SLC25A48: variants seen among roughly 807,000 people sequenced by gnomAD.
The protein encoded by SLC25A48 is CTC-321K16.1.
In SLC25A48, 29 loss-of-function variants were observed where a neutral mutation model predicts 32.2. The ratio of observed to expected loss-of-function variants is 0.90; its 90% confidence interval spans 0.67 to 1.23. The LOEUF (loss-of-function observed/expected upper bound fraction) is 1.23. Ranked by LOEUF, SLC25A48 falls within the 50% of genes most tolerant of loss-of-function variation. The pLI is 0.00. For missense variants in SLC25A48, 399 were observed against 422.7 expected (o/e 0.94, Z 0.49); for synonymous variants, 164 against 172.3 (o/e 0.95, Z 0.38).
At chr5:135,812,816 A>G (rs2126652473) in exon 4 of SLC25A48, 1 of 138,954 alleles carries the variant, frequency 7.2e-6, no homozygotes, top group African/African-American at 2.7e-5. Context: ...ACCAGGCAGC[A>G]GGAGGGACAG....
intron 3 of SLC25A48, among the ~76,000 whole-genome samples, chr5:135,653,352 C>G (rs1327764165): frequency 2.6e-5 from 4 of 152,118 alleles, no homozygotes; most frequent in Non-Finnish European, 5.9e-5. Context: ...ATTTCTGGAA[C>G]CGAGGAGATT....
intron 3 of SLC25A48, among the ~76,000 whole-genome samples, chr5:135,643,480 C>T (rs748932587): frequency 1.3e-5 from 2 of 152,192 alleles, no homozygotes; most frequent in South Asian, 2.1e-4. Flanking sequence ...CCCATCACTG[C>T]ACAGAAGAGC....
At chr5:135,692,780 C>CT (rs1408057079) in intron 3 of SLC25A48, among the ~76,000 whole-genome samples, 3 of 152,118 alleles carry the variant, frequency 2.0e-5, no homozygotes, top group Non-Finnish European at 4.4e-5. Flanking sequence ...TGCTAATAAT[C>CT]TAGCAATTAA....
chr5:135,764,498 G>A (rs1756152490), intron 3 of SLC25A48, among the ~76,000 whole-genome samples: 1 of 151,814 alleles, frequency 6.6e-6, no homozygotes, highest in Non-Finnish European at 1.5e-5. Context: ...TTCTCCAGCA[G>A]GTGAGAGGGT....
chr5:135,744,796 C>T (rs1755600741), intron 3 of SLC25A48, among the ~76,000 whole-genome samples: 1 of 151,754 alleles, frequency 6.6e-6, no homozygotes. Context: ...GTAATCCCAG[C>T]TTTGGGAGGC....
At position 135,866,037 on chromosome 5, in the gene SLC25A48, T is replaced by C. The variant is rs143647003; in HGVS notation, c.422-5424T>C. Among the ~76,000 whole-genome samples the C allele has an allele frequency of 2.1e-3, 326 of 152,298 alleles. 1 individual carries two copies. Among genetic ancestry groups the C allele is most frequent in the African/African-American group, 7.6e-3 (314 of 41,566 alleles). ...GGATTGTGGGGTGCCTTGAAATGACTCCCACTGGCTGAGCCTTACTGGAAT... is the reference window on the plus strand; with the variant it reads ...GGATTGTGGGGTGCCTTGAAATGACCCCCACTGGCTGAGCCTTACTGGAAT... On this transcript the variant is annotated intron_variant, in intron 4 of 7. Coordinates refer to ENST00000681962, the MANE Select transcript of SLC25A48 (RefSeq NM_001349336.2).
At chr5:135,722,782 T>A (rs561884246) in intron 3 of SLC25A48, among the ~76,000 whole-genome samples, 11 of 152,356 alleles carry the variant, frequency 7.2e-5, no homozygotes, top group African/African-American at 2.4e-4. Context: ...TAGGGGATCT[T>A]AGAGGGTGCT....
intron 3 of SLC25A48, among the ~76,000 whole-genome samples, chr5:135,745,856 A>G (rs1315132582): frequency 6.6e-6 from 1 of 152,164 alleles, no homozygotes; most frequent in African/African-American, 2.4e-5. Context: ...TATGTCAAGA[A>G]AATAGCTGGC....
chr5:135,747,003 T>G lies in SLC25A48; in HGVS notation c.-520-65520T>G, dbSNP rs368409560. On this transcript the variant is annotated intron_variant, in intron 3 of 10. Coordinates refer to the SLC25A48 transcript ENST00000646290. ...AGGTTAAGTATTTTTTGTTGTTGTT[T>G]TTTTTTCCTGCAGAACACACTTGGA... Among the ~76,000 whole-genome samples, 924 of 151,912 alleles carry G rather than the reference T, an allele frequency of 6.1e-3. 13 individuals are homozygous for G. Among genetic ancestry groups the G allele is most frequent in the African/African-American group, 0.021 (878 of 41,480 alleles).
chr5:135,642,715 T>C (rs1428035151), intron 3 of SLC25A48, among the ~76,000 whole-genome samples: 2 of 152,180 alleles, frequency 1.3e-5, no homozygotes, highest in Non-Finnish European at 2.9e-5. Flanking sequence ...CAAAACAACA[T>C]GTGTGCAGGA....
At chr5:135,640,370 A>G (rs1463832791) in intron 3 of SLC25A48, among the ~76,000 whole-genome samples, 2 of 152,210 alleles carry the variant, frequency 1.3e-5, no homozygotes, top group Admixed American at 6.5e-5. Context: ...AATTGGCTCA[A>G]AATTTCCCAA....
intron 4 of SLC25A48, among the ~76,000 whole-genome samples, chr5:135,862,055 C>A (rs1428941218): frequency 6.6e-6 from 1 of 152,224 alleles, no homozygotes; most frequent in Non-Finnish European, 1.5e-5. Flanking sequence ...AAAATCACTG[C>A]CCTTTGCATG....
At chr5:135,830,424 G>T (rs1042455730), upstream of SLC25A48, among the ~76,000 whole-genome samples, 1 of 152,154 alleles carries the variant, frequency 6.6e-6, no homozygotes, top group African/African-American at 2.4e-5. Flanking sequence ...TTCCCAAGAT[G>T]CCCAGAGAGG....
chr5:135,665,114 ATTC>A (rs1472848676), intron 3 of SLC25A48, among the ~76,000 whole-genome samples: 2 of 152,228 alleles, frequency 1.3e-5, no homozygotes, highest in Non-Finnish European at 2.9e-5. Flanking sequence ...ATTAATGGCC[ATTC>A]TTGTAAAAGT....
At chr5:135,870,051 G>C (rs1761512770) in intron 4 of SLC25A48, among the ~76,000 whole-genome samples, 1 of 152,226 alleles carries the variant, frequency 6.6e-6, no homozygotes. Context: ...TCTCTAGACT[G>C]TGGAGTCATG....
chr5:135,625,561 A>G (rs1011633075), intron 1 of SLC25A48, among the ~76,000 whole-genome samples: 2 of 152,144 alleles, frequency 1.3e-5, no homozygotes, highest in African/African-American at 4.8e-5. Context: ...CCAGAGCCCA[A>G]CATGGATTGC....
At chr5:135,839,641 ATT>A in intron 1 of SLC25A48, among the ~76,000 whole-genome samples, 1 of 152,224 alleles carries the variant, frequency 6.6e-6, no homozygotes, top group Non-Finnish European at 1.5e-5. Context: ...AGGACATGAG[ATT>A]TGGGAGGGGC....
intron 4 of SLC25A48, among the ~76,000 whole-genome samples, chr5:135,821,212 G>A (rs1383141658): frequency 1.3e-5 from 2 of 152,186 alleles, no homozygotes; most frequent in Non-Finnish European, 2.9e-5. Flanking sequence ...TTAACACTTA[G>A]GAGCACCAGG....
rs564961019 is a variant in SLC25A48 at position 135,764,200 on chromosome 5, G to A, written c.-520-48323G>A. On this transcript the variant is annotated intron_variant, in intron 3 of 10. Coordinates refer to the SLC25A48 transcript ENST00000646290. ...GGGGGTGTACATCCCCCAGTGATAT[G>A]GTTCCTAATATCCAGAGCAGAAGAG... Among the ~76,000 whole-genome samples the A allele has an allele frequency of 1.1e-4, 16 of 152,086 alleles. No individual in the cohort carries two copies. The East Asian group carries it at 2.1e-3, about 20-fold the overall frequency.
Sources: gnomAD v4.1 joint callset for allele counts (sites outside exome capture counted in the v4.1 genomes callset) on GRCh38, gnomAD v4.1.1 for gene constraint, MANE v1.5 for transcripts, NCBI Gene and HGNC (gene_info 2026-07-23, HGNC 2026-07-21) for gene names.